GRIK4: variants seen among roughly 807,000 people sequenced by gnomAD.
GRIK4 encodes the protein glutamate receptor ionotropic, kainate 4.
A neutral mutation model predicts 104.9 loss-of-function variants in GRIK4; 40 were observed. The ratio of observed to expected loss-of-function variants is 0.38; its 90% CI spans 0.30 to 0.50. GRIK4 has a LOEUF of 0.50. GRIK4 is among the 20% of genes least tolerant of loss of function. The pLI is 0.93. For missense variants in GRIK4, 1,047 were observed against 1,308.1 expected (o/e 0.80, Z 3.08); for synonymous variants, 485 against 524.9 (o/e 0.92, Z 1.04).
At chr11:120,943,352 A>G (rs1397602009) in intron 14 of GRIK4, among the ~76,000 whole-genome samples, 1 of 152,172 alleles carries the variant, frequency 6.6e-6, no homozygotes, top group Admixed American at 6.5e-5. Context: ...TCTGTGTGTG[A>G]GACACCATGC....
intron 1 of GRIK4, among the ~76,000 whole-genome samples, chr11:120,589,368 A>G (rs1315241453): frequency 2.0e-5 from 3 of 152,134 alleles, no homozygotes; most frequent in Non-Finnish European, 4.4e-5. Flanking sequence ...AGAAGTCAAA[A>G]TCCTACCTTG....
intron 14 of GRIK4, among the ~76,000 whole-genome samples, chr11:120,941,952 A>C (rs2134648761): frequency 6.6e-6 from 1 of 152,316 alleles, no homozygotes; most frequent in African/African-American, 2.4e-5. Context: ...TTATTTTAGA[A>C]ATGAGGAAAC....
intron 4 of GRIK4, among the ~76,000 whole-genome samples, chr11:120,813,556 A>G (rs1002885807): frequency 1.5e-4 from 23 of 152,262 alleles, no homozygotes; most frequent in Middle Eastern, 3.4e-3. Flanking sequence ...ATGTTGTGGG[A>G]TGCCTGCCCA....
chr11:120,637,158 C>A (rs1949408523), intron 1 of GRIK4, among the ~76,000 whole-genome samples: 1 of 151,306 alleles, frequency 6.6e-6, no homozygotes, highest in Admixed American at 6.6e-5. Flanking sequence ...AGAGAGAGAA[C>A]CATGAACACA....
At position 120,554,661 on chromosome 11, in the gene GRIK4, C is replaced by T. The variant is rs554060395; in HGVS notation, c.-159+42774C>T. On this transcript the variant is annotated intron_variant, in intron 1 of 20. Transcript: ENST00000527524. ...GCAACCTCCGCCTCCCGGGTTCAAG[C>T]GATTCTCTTGCCTCAGCCTCCAGAG... is the stretch of plus-strand genomic sequence containing the variant. Among the ~76,000 whole-genome samples the T allele has an allele frequency of 2.6e-3, 397 of 152,082 alleles. 2 individuals are homozygous for T. Among genetic ancestry groups the T allele is most frequent in the African/African-American group, 9.0e-3 (372 of 41,478 alleles).
intron 3 of GRIK4, among the ~76,000 whole-genome samples, chr11:120,681,150 A>G (rs780502086): frequency 2.6e-5 from 4 of 152,198 alleles, no homozygotes; most frequent in Non-Finnish European, 4.4e-5. Flanking sequence ...CTTTAGCCAG[A>G]TGTCAGGAAA....
At chr11:120,942,377 G>A (rs553018944) in intron 14 of GRIK4, among the ~76,000 whole-genome samples, 5 of 152,250 alleles carry the variant, frequency 3.3e-5, no homozygotes, top group South Asian at 2.1e-4. Context: ...CCCTGGAGTC[G>A]GGGGACATCC....
chr11:120,967,384 T>C lies in GRIK4; in HGVS notation c.2395+61T>C, dbSNP rs1017967189. The stretch of plus-strand genomic sequence containing the variant: ...GAGGACCAAAGTAGCTTGTTTCTCG[T>C]GTTCAAATTCCAGGTACACATAATG... On this transcript the variant is annotated intron_variant, in intron 19 of 20. Coordinates refer to ENST00000527524, the MANE Select transcript of GRIK4 (RefSeq NM_014619.5). This position sits in a 1 kb window ranked among gnomAD's most constrained non-coding sequence, Gnocchi z 4.2. The C allele has an allele frequency of 6.5e-6, 10 of 1,532,804 alleles. No homozygotes were observed. Among genetic ancestry groups the C allele is most frequent in the African/African-American group, 2.8e-5 (2 of 72,494 alleles). The allele number at this position is 1,532,804 out of a possible 1,614,324, so 95.0% of individuals were successfully genotyped here.
chr11:120,655,992 T>C (rs1949704116), intron 2 of GRIK4, among the ~76,000 whole-genome samples: 1 of 152,002 alleles, frequency 6.6e-6, no homozygotes, highest in Non-Finnish European at 1.5e-5. Context: ...AGCATGCAGG[T>C]GGAGGAGAAT....
At chr11:120,559,455 G>C (rs1948217883) in intron 1 of GRIK4, among the ~76,000 whole-genome samples, 1 of 152,196 alleles carries the variant, frequency 6.6e-6, no homozygotes, top group Admixed American at 6.5e-5. Flanking sequence ...ATTGGAATCT[G>C]TATTTCAGCT....
At chr11:120,736,787 C>T (rs547974796) in intron 3 of GRIK4, among the ~76,000 whole-genome samples, 2 of 151,904 alleles carry the variant, frequency 1.3e-5, no homozygotes, top group South Asian at 2.1e-4. Context: ...TCTCTCCCCT[C>T]ACCCTGCCCA....
Position 120,830,584 on chromosome 11 carries a change from G to C in GRIK4, c.512-1268G>C, listed in dbSNP as rs76643444. On this transcript the variant is annotated intron_variant, in intron 6 of 20. Coordinates refer to ENST00000527524, the MANE Select transcript of GRIK4 (RefSeq NM_014619.5). ...AACCAGCAGCACGGGGCCTTGGACT[G>C]GTTACAAAGCCAACCTTTCCCTCGC... is the stretch of plus-strand genomic sequence containing the variant. 7.9e-3 allele frequency among the ~76,000 whole-genome samples: 1,197 copies of C among 152,214 alleles called. 16 individuals carry two copies. Among genetic ancestry groups the C allele is most frequent in the African/African-American group, 0.027 (1,130 of 41,522 alleles).
chr11:120,935,568 T>G (rs1170955434), intron 13 of GRIK4, among the ~76,000 whole-genome samples: 2 of 152,100 alleles, frequency 1.3e-5, no homozygotes, highest in East Asian at 3.9e-4. Flanking sequence ...ATAAAAATAC[T>G]AAATAAGTAA....
intron 11 of GRIK4, among the ~76,000 whole-genome samples, chr11:120,891,744 G>A (rs909603414): frequency 1.3e-5 from 2 of 152,170 alleles, no homozygotes; most frequent in African/African-American, 4.8e-5. Context: ...ATCGATGAAT[G>A]TTTGGAAGGA....
At chr11:120,561,832 A>C (rs1948242372) in intron 1 of GRIK4, among the ~76,000 whole-genome samples, 1 of 152,114 alleles carries the variant, frequency 6.6e-6, no homozygotes, top group Non-Finnish European at 1.5e-5. Flanking sequence ...TCCTCCAGTC[A>C]TATATCTGGA....
intron 8 of GRIK4, among the ~76,000 whole-genome samples, chr11:120,849,163 GCACA>G (rs143931502): frequency 6.7e-6 from 1 of 149,956 alleles, no homozygotes; most frequent in African/African-American, 2.4e-5. Context: ...CCCAACGCGC[GCACA>G]CACACACACA....
intron 1 of GRIK4, among the ~76,000 whole-genome samples, chr11:120,608,476 A>G (rs1948990261): frequency 6.6e-6 from 1 of 152,284 alleles, no homozygotes. Flanking sequence ...ACGCATGTGT[A>G]TTTTTCAGGG....
chr11:120,767,000 A>G (rs1466774986), intron 3 of GRIK4, among the ~76,000 whole-genome samples: 3 of 152,176 alleles, frequency 2.0e-5, no homozygotes, highest in African/African-American at 7.2e-5. Flanking sequence ...GATTAATAGT[A>G]CAATGAACAT....
At chr11:120,651,123 C>T (rs1949613736) in intron 1 of GRIK4, among the ~76,000 whole-genome samples, 1 of 152,170 alleles carries the variant, frequency 6.6e-6, no homozygotes, top group South Asian at 2.1e-4. Flanking sequence ...TACCAGCAAG[C>T]AGGCATGGGA....
Sources: gnomAD v4.1 joint callset for allele counts (sites outside exome capture counted in the v4.1 genomes callset) on GRCh38, gnomAD v4.1.1 for gene constraint, Gnocchi (gnomAD v3.1) non-coding constraint, MANE v1.5 for transcripts, NCBI Gene and HGNC (gene_info 2026-07-23, HGNC 2026-07-21) for gene names.